NOL8: variants seen among roughly 807,000 people sequenced by gnomAD.
NOL8 encodes the protein nucleolar protein Nop132.
A neutral mutation model predicts 116.1 loss-of-function variants in NOL8; 93 were observed. The ratio of observed to expected loss-of-function variants is 0.80; its 90% confidence interval spans 0.68 to 0.95. The LOEUF is 0.95. NOL8 is among the 40% of genes least tolerant of loss of function. NOL8 has a pLI of 0.00. For synonymous variants in NOL8, 419 were observed against 469.0 expected (o/e 0.89, Z 1.38); for missense variants, 1,291 against 1,382.8 (o/e 0.93, Z 1.05).
At chr9:92,320,468 G>A (rs1285002182) in intron 4 of NOL8, 1 of 210,154 alleles carries the variant, frequency 4.8e-6, no homozygotes, top group Non-Finnish European at 9.8e-6. Flanking sequence ...TTTTCATAAG[G>A]CCAGTCCCCC....
At chr9:92,304,688 A>G (rs1485918408) in intron 12 of NOL8, among the ~76,000 whole-genome samples, 2 of 152,222 alleles carry the variant, frequency 1.3e-5, no homozygotes, top group African/African-American at 4.8e-5. Flanking sequence ...GTTTACAGAA[A>G]GTAACGAAAA....
chr9:92,320,315 A>G, intron 4 of NOL8: 2 of 394,144 alleles, frequency 5.1e-6, no homozygotes, highest in Non-Finnish European at 1.0e-5. Flanking sequence ...TCCAAGCAGC[A>G]GCACTGTGTG....
At chr9:92,311,971 T>G (rs1441565483) in intron 7 of NOL8, among the ~76,000 whole-genome samples, 1 of 152,172 alleles carries the variant, frequency 6.6e-6, no homozygotes, top group Non-Finnish European at 1.5e-5. Flanking sequence ...AATGGTGGAC[T>G]GGATAAAGAA....
intron 16 of NOL8, 133 bp from the exon 17 acceptor site, chr9:92,298,019 G>A (rs887439575): frequency 1.2e-6 from 1 of 804,498 alleles, no homozygotes; most frequent in Non-Finnish European, 1.9e-6. Context: ...TTGAAATGAA[G>A]AGGGGATATT....
chr9:92,305,897 CAAATTATAATT>C, intron 11 of NOL8, 67 bp from the exon 12 acceptor site: 1 of 1,062,604 alleles, frequency 9.4e-7, no homozygotes, highest in Non-Finnish European at 1.4e-6. Flanking sequence ...AAGTAAGTAG[CAAATTATAATT>C]CAGCACTAGG....
At chr9:92,320,815 C>A (rs2130736923) in intron 4 of NOL8, among the ~76,000 whole-genome samples, 1 of 152,274 alleles carries the variant, frequency 6.6e-6, no homozygotes, top group South Asian at 2.1e-4. Flanking sequence ...CCACTTTAGC[C>A]AGGCTGGTCT....
intron 6 of NOL8, among the ~76,000 whole-genome samples, chr9:92,317,056 G>A (rs1839476843): frequency 6.6e-6 from 1 of 152,142 alleles, no homozygotes; most frequent in African/African-American, 2.4e-5. Flanking sequence ...AGGCTCAAGT[G>A]ATCCTCCCAA....
rs867750887 is a variant in NOL8 at position 92,297,862 on chromosome 9, C to T, written c.3478G>A (p.Ala1160Thr). 1.2e-5 allele frequency: 18 copies of T among 1,547,552 alleles called. No individual in the cohort carries two copies. Among genetic ancestry groups the T allele is most frequent in the African/African-American group, 5.5e-5 (4 of 72,688 alleles). Reference protein sequence around the residue: ...RMDCRKKHKDAKRKMKPK With the variant: ...RMDCRKKHKDTKRKMKPK Reference sequence around the variant, plus strand: ...TATTTTGGTTTCATTTTCCTTTTTGCGTCTTTATGTTTCTTTCGACAATCC... The same window carrying T: ...TATTTTGGTTTCATTTTCCTTTTTGTGTCTTTATGTTTCTTTCGACAATCC... The change falls in exon 17 of 17, where the codon GCA becomes ACA. Residue 1160 changes from alanine to threonine, a missense_variant. By Grantham distance (58) the Ala-to-Thr change is moderately conservative (BLOSUM62 0). Coordinates refer to ENST00000442668, the MANE Select transcript of NOL8 (RefSeq NM_017948.6).
Position 92,315,721 on chromosome 9 carries a change from T to A in NOL8, c.904A>T (p.Thr302Ser). Residue 302 changes from threonine to serine, a missense_variant, in exon 7 of 17, where the codon ACT (threonine) becomes TCT (serine). Transcript: ENST00000442668. ...KKRNSISDDD[T>S]DSEDELRMMI... ...ATTCTCAATTCATCTTCAGAATCAG[T>A]ATCATCATCAGAAATGCTGTTTCTC... 1.2e-6 allele frequency: 2 copies of A among 1,613,050 alleles called. No individual in the cohort carries two copies. Among genetic ancestry groups the A allele is most frequent in the Non-Finnish European group, 1.7e-6 (2 of 1,179,350 alleles).
Position 92,297,540 on chromosome 9 carries a change from GA to G in NOL8, c.*295del. 1 of 275,566 alleles carries G rather than the reference GA, an allele frequency of 3.6e-6. No homozygotes were observed. Among genetic ancestry groups the G allele is most frequent in the East Asian group, 7.1e-5 (1 of 14,016 alleles). 17.1% of individuals were successfully genotyped at this position (275,566 alleles called of 1,614,324 possible). A position where few individuals can be genotyped will look rare whatever the true frequency, so the allele number is the denominator to read the frequency against. On this transcript the variant is annotated 3_prime_UTR_variant, in exon 17 of 17. Transcript: ENST00000442668. ...GCTTCATATAAACCTTGCATGAGAA[GA>G]TGTCCATTAGTTACTCAGGATAGAG... is the stretch of plus-strand genomic sequence containing the variant.
chr9:92,301,849 A>G, intron 12 of NOL8, 27 bp from the exon 13 acceptor site: 3 of 1,516,116 alleles, frequency 2.0e-6, no homozygotes, highest in Non-Finnish European at 2.6e-6. Context: ...AGACATGTGC[A>G]TCACAAAGAA....
At chr9:92,303,360 G>C (rs1264850660) in intron 12 of NOL8, among the ~76,000 whole-genome samples, 2 of 152,102 alleles carry the variant, frequency 1.3e-5, no homozygotes, top group Admixed American at 1.3e-4. Context: ...TTTATCATTT[G>C]AAATGATAGG....
chr9:92,311,238 G>C lies in NOL8; in HGVS notation c.2380C>G (p.Pro794Ala). The change falls in exon 8 of 17, where the codon CCA becomes GCA. Residue 794 changes from proline to alanine, a missense_variant. Physicochemically the swap from Pro to Ala is conservative, Grantham distance 27. Transcript: ENST00000442668. ...TCAGAACCGAAGATGATGTGCGTTG[G>C]CTTATCCTCTGGATGACCATCCTAG... ...ANLDGHPEDKPTHIIFGSDSE... is the reference protein window; with the variant it reads ...ANLDGHPEDKATHIIFGSDSE... 6.2e-7 allele frequency: 1 copy of C among 1,613,684 alleles called. No individual in the cohort carries two copies. The highest frequency in any genetic ancestry group is 8.5e-7 in the Non-Finnish European group (1 of 1,179,744).
At chr9:92,311,625 G>C (rs1298560118) in intron 7 of NOL8, among the ~76,000 whole-genome samples, 2 of 152,038 alleles carry the variant, frequency 1.3e-5, no homozygotes, top group African/African-American at 4.8e-5. Flanking sequence ...ATCATTAGAG[G>C]AATGCAAATC....
At chr9:92,304,338 C>T (rs752439436) in intron 12 of NOL8, among the ~76,000 whole-genome samples, 6 of 152,212 alleles carry the variant, frequency 3.9e-5, no homozygotes, top group Admixed American at 6.5e-5. Flanking sequence ...TTATCCAATG[C>T]CTGTTCCACC....
At chr9:92,305,852 G>C in intron 11 of NOL8, 22 bp from the exon 12 acceptor site, 1 of 1,541,466 alleles carries the variant, frequency 6.5e-7, no homozygotes, top group Non-Finnish European at 9.0e-7. Context: ...AAGGAAGGGA[G>C]GTTGGAAGAG....
At chr9:92,310,710 G>A (rs780124991) in intron 8 of NOL8, 35 bp from the exon 9 acceptor site, 1 of 1,572,148 alleles carries the variant, frequency 6.4e-7, no homozygotes, top group Non-Finnish European at 8.6e-7. Flanking sequence ...AATAGCAGAG[G>A]CAAACAAGCA....
In NOL8 at chr9:92,305,797, G is replaced by T. The variant is rs1587958231; in HGVS notation, c.2859C>A (p.Asp953Glu). ...CTCTTTTTCTTTCGTAAGTGGCATGGTCTTGCTTCGTTGGATCATAATGTA... is the reference window on the plus strand; with the variant it reads ...CTCTTTTTCTTTCGTAAGTGGCATGTTCTTGCTTCGTTGGATCATAATGTA... ...DIIHYDPTKQ[D>E]HATYERKRDD... The change falls in exon 12 of 17, where the codon GAC (aspartate) becomes GAA (glutamate). Residue 953 changes from aspartate to glutamate, a missense_variant. Asp to Glu is a conservative substitution (Grantham distance 45). Coordinates refer to ENST00000442668, the MANE Select transcript of NOL8 (RefSeq NM_017948.6). The T allele has an allele frequency of 6.2e-7, 1 of 1,612,694 alleles. No individual in the cohort carries two copies. The highest frequency in any genetic ancestry group is 8.5e-7 in the Non-Finnish European group (1 of 1,178,992).
At chr9:92,302,929 A>G (rs947540143) in intron 12 of NOL8, among the ~76,000 whole-genome samples, 3 of 152,230 alleles carry the variant, frequency 2.0e-5, no homozygotes, top group African/African-American at 7.2e-5. Flanking sequence ...ACTGGAGAAG[A>G]GGGAATCCTT....
Sources: allele counts gnomAD v4.1 joint callset (sites outside exome capture counted in the v4.1 genomes callset), GRCh38; gene constraint gnomAD v4.1.1; transcripts MANE v1.5; gene names NCBI Gene and HGNC (gene_info 2026-07-23, HGNC 2026-07-21).